ANKDD1B: variants seen among roughly 807,000 people sequenced by gnomAD.
ANKDD1B encodes ankyrin repeat and death domain-containing protein 1B.
Under a neutral mutation model 59.7 loss-of-function variants are expected in ANKDD1B, and 57 were observed. That is an observed-to-expected ratio of 0.95 (90% CI 0.77 to 1.19). ANKDD1B has a LOEUF of 1.19. ANKDD1B is among the 50% of genes most tolerant of loss of function. The pLI is 0.00. For missense variants in ANKDD1B, 602 were observed against 641.9 expected (o/e 0.94, Z 0.67); for synonymous variants, 216 against 239.5 (o/e 0.90, Z 0.91).
intron 7 of ANKDD1B, among the ~76,000 whole-genome samples, chr5:75,648,446 T>G (rs1774718474): frequency 6.6e-6 from 1 of 151,904 alleles, no homozygotes; most frequent in Non-Finnish European, 1.5e-5. Context: ...ACTCCATTAT[T>G]TTGTACACTG....
intron 1 of ANKDD1B, among the ~76,000 whole-genome samples, chr5:75,616,181 T>G (rs573312479): frequency 6.6e-6 from 1 of 152,176 alleles, no homozygotes; most frequent in Non-Finnish European, 1.5e-5. Context: ...AAAAACTCAA[T>G]AAACCCTGGA....
intron 5 of ANKDD1B, among the ~76,000 whole-genome samples, chr5:75,632,255 A>C (rs1581137253): frequency 1.3e-5 from 2 of 152,304 alleles, no homozygotes; most frequent in East Asian, 3.9e-4. Flanking sequence ...TAAGGAAAGG[A>C]ATTTATTGGC....
At chr5:75,641,291 C>T (rs1774453120) in intron 7 of ANKDD1B, among the ~76,000 whole-genome samples, 1 of 152,142 alleles carries the variant, frequency 6.6e-6, no homozygotes, top group African/African-American at 2.4e-5. Context: ...TGTCTGACAC[C>T]AGTGCCTCAG....
chr5:75,640,887 C>T (rs1411060612), intron 7 of ANKDD1B, among the ~76,000 whole-genome samples: 1 of 152,186 alleles, frequency 6.6e-6, no homozygotes, highest in Non-Finnish European at 1.5e-5. Context: ...TCCTCAAAAG[C>T]AATGCCATTC....
chr5:75,614,188 A>G (rs1773653184), intron 1 of ANKDD1B, among the ~76,000 whole-genome samples: 1 of 152,204 alleles, frequency 6.6e-6, no homozygotes, highest in South Asian at 2.1e-4. Flanking sequence ...TAGCAGTAGC[A>G]GTAGCCAGAG....
chr5:75,666,632 C>CAA (rs78464950), intron 11 of ANKDD1B, among the ~76,000 whole-genome samples, 160 bp from the exon 12 acceptor site: 8 of 56,596 alleles, frequency 1.4e-4, no homozygotes, highest in African/African-American at 7.7e-4. Context: ...TTTTGGATGG[C>CAA]AAAAAAAAAA....
intron 8 of ANKDD1B, among the ~76,000 whole-genome samples, chr5:75,654,381 C>T (rs1774908643): frequency 6.6e-6 from 1 of 152,176 alleles, no homozygotes. Context: ...CTTTGTGTCT[C>T]ATGTATGAAG....
chr5:75,654,715 G>A (rs772379218), intron 8 of ANKDD1B, among the ~76,000 whole-genome samples: 2 of 152,186 alleles, frequency 1.3e-5, no homozygotes, highest in African/African-American at 2.4e-5. Context: ...TTGGGGAAGT[G>A]AATGTGTAAT....
At chr5:75,631,031 A>G (rs1774140991) in intron 5 of ANKDD1B, among the ~76,000 whole-genome samples, 1 of 152,232 alleles carries the variant, frequency 6.6e-6, no homozygotes. Flanking sequence ...CGACAGGGTT[A>G]TGTAATCACT....
At chr5:75,627,164 G>A (rs1454889145) in intron 5 of ANKDD1B, among the ~76,000 whole-genome samples, 1 of 152,176 alleles carries the variant, frequency 6.6e-6, no homozygotes, top group East Asian at 1.9e-4. Flanking sequence ...TGCACTAGCT[G>A]TGTGGTTTTA....
chr5:75,635,028 C>T, intron 6 of ANKDD1B, 32 bp downstream of exon 6: 1 of 1,383,176 alleles, frequency 7.2e-7, no homozygotes, highest in Non-Finnish European at 9.9e-7. Context: ...TTGCTGAGAA[C>T]AAGAGAAAGG....
chr5:75,634,777 C>G, intron 5 of ANKDD1B, 121 bp from the exon 6 acceptor site: 1 of 625,316 alleles, frequency 1.6e-6, no homozygotes, highest in South Asian at 1.9e-5. Context: ...CATCATCTTC[C>G]TCCCTGAAGA....
intron 1 of ANKDD1B, among the ~76,000 whole-genome samples, chr5:75,613,621 C>T (rs4045166): frequency 2.0e-5 from 3 of 152,014 alleles, no homozygotes; most frequent in South Asian, 4.1e-4. Context: ...AAGTAAATTA[C>T]GTAGATTAGT....
chr5:75,630,717 C>A (rs1774128960), intron 5 of ANKDD1B, among the ~76,000 whole-genome samples: 1 of 152,160 alleles, frequency 6.6e-6, no homozygotes, highest in Non-Finnish European at 1.5e-5. Context: ...CGAGATTAAG[C>A]AAAGAAGGTA....
At chr5:75,629,220 G>T (rs2112970555) in intron 5 of ANKDD1B, among the ~76,000 whole-genome samples, 1 of 151,484 alleles carries the variant, frequency 6.6e-6, no homozygotes, top group African/African-American at 2.4e-5. Flanking sequence ...AACTAACCCA[G>T]TGTCTCCCAC....
At chr5:75,626,782 G>GTT (rs57852660) in intron 5 of ANKDD1B, among the ~76,000 whole-genome samples, 1 of 146,560 alleles carries the variant, frequency 6.8e-6, no homozygotes, top group Admixed American at 6.8e-5. Flanking sequence ...TCTAGGCCTT[G>GTT]TTTTTTTTTT....
chr5:75,616,675 C>T (rs1773724830), intron 1 of ANKDD1B, 129 bp from the exon 2 acceptor site: 3 of 491,856 alleles, frequency 6.1e-6, no homozygotes, highest in African/African-American at 3.9e-5. Flanking sequence ...AGCGAAGTTC[C>T]CATGTCTTAA....
chr5:75,648,616 G>A (rs2112349), intron 7 of ANKDD1B, among the ~76,000 whole-genome samples: 455 of 152,092 alleles, frequency 3.0e-3, no homozygotes, highest in Admixed American at 5.4e-3. Context: ...GGAAATGATC[G>A]TGAATCCATT....
intron 7 of ANKDD1B, among the ~76,000 whole-genome samples, chr5:75,650,236 T>G (rs370742401): frequency 6.6e-5 from 10 of 152,324 alleles, no homozygotes; most frequent in Non-Finnish European, 1.3e-4. Context: ...TAAAATGAGA[T>G]TCTCCTGGAT....
Sources: gnomAD v4.1 joint callset for allele counts (sites outside exome capture counted in the v4.1 genomes callset) on GRCh38, gnomAD v4.1.1 for gene constraint, MANE v1.5 for transcripts, NCBI Gene and HGNC (gene_info 2026-07-23, HGNC 2026-07-21) for gene names.